Variants in RBFOX1 observed in about 807,000 individuals in gnomAD.
RBFOX1 encodes RNA binding fox-1 homolog 1.
RBFOX1 carries 8 observed loss-of-function variants against 57.7 expected under a neutral mutation model. The observed-to-expected ratio is 0.14, with a 90% confidence interval of 0.08 to 0.25. The LOEUF is 0.25. RBFOX1 is among the 10% of genes least tolerant of loss of function. The pLI is 1.00. For synonymous variants in RBFOX1, 326 were observed against 222.4 expected, an observed-to-expected ratio of 1.47 and a Z score of -4.15; for missense variants, 611 against 548.5, an observed-to-expected ratio of 1.11 and a Z score of -1.14.
At chr16:6,774,952 T>A (rs1323533276) in intron 3 of RBFOX1, among the ~76,000 whole-genome samples, 1 of 152,088 alleles carries the variant, frequency 6.6e-6, no homozygotes, top group Non-Finnish European at 1.5e-5. Context: ...CTATAGGCCC[T>A]AATCTCATCT....
chr16:6,918,493 A>T (rs554929711), intron 3 of RBFOX1, among the ~76,000 whole-genome samples: 3 of 152,330 alleles, frequency 2.0e-5, no homozygotes, highest in South Asian at 2.1e-4. Context: ...TGTTAATTAA[A>T]TTAATGTCTG....
chr16:7,586,915 C>T (rs561723715), intron 6 of RBFOX1, among the ~76,000 whole-genome samples: 2 of 152,246 alleles, frequency 1.3e-5, no homozygotes, highest in Admixed American at 1.3e-4. Flanking sequence ...GTGGGATAGA[C>T]CAGAAGGATC....
At chr16:7,578,024 G>C (rs1159015508) in intron 5 of RBFOX1, among the ~76,000 whole-genome samples, 1 of 152,254 alleles carries the variant, frequency 6.6e-6, no homozygotes, top group East Asian at 1.9e-4. Flanking sequence ...ACACAAAGCA[G>C]TTGCTCAGTA....
intron 4 of RBFOX1, among the ~76,000 whole-genome samples, chr16:7,405,303 C>G (rs545705322): frequency 3.3e-5 from 5 of 152,336 alleles, no homozygotes; most frequent in Admixed American, 1.3e-4. Context: ...GGTAGCCCCC[C>G]CGCTGCAAAC....
rs143515417 is a variant in RBFOX1, at chr16:5,598,099, C to G, written c.259-803C>G. ...ATCACCTGAGGTCAGGAGTTCGAGACCAGCCTGGCCAACATGGCGATTCCC... is the reference window on the plus strand; with the variant it reads ...ATCACCTGAGGTCAGGAGTTCGAGAGCAGCCTGGCCAACATGGCGATTCCC... On this transcript the variant is annotated intron_variant, in intron 2 of 2. Transcript: ENST00000585867. Among the ~76,000 whole-genome samples the G allele has an allele frequency of 4.8e-3, 728 of 152,136 alleles. 5 individuals carry two copies. Among genetic ancestry groups the G allele is most frequent in the Middle Eastern group, 0.01 (3 of 294 alleles).
intron 3 of RBFOX1, among the ~76,000 whole-genome samples, chr16:5,658,516 T>G (rs2049530839): frequency 6.6e-6 from 1 of 152,024 alleles, no homozygotes; most frequent in Non-Finnish European, 1.5e-5. Flanking sequence ...TTTAACTCAC[T>G]CTGTATGGGT....
At chr16:5,376,440 G>A (rs74325223) in intron 1 of RBFOX1, among the ~76,000 whole-genome samples, 384 of 152,214 alleles carry the variant, frequency 2.5e-3, no homozygotes, top group African/African-American at 8.6e-3. Flanking sequence ...GGGAAGGAGC[G>A]GTGGGTGGGG....
intron 1 of RBFOX1, among the ~76,000 whole-genome samples, chr16:5,358,985 G>A (rs1423798138): frequency 6.6e-6 from 1 of 152,098 alleles, no homozygotes; most frequent in Non-Finnish European, 1.5e-5. Context: ...AGCCTCTGGT[G>A]GCCATCCTTC....
intron 3 of RBFOX1, among the ~76,000 whole-genome samples, chr16:6,659,241 T>TTCTCAGAGG: frequency 6.6e-6 from 1 of 152,140 alleles, no homozygotes; most frequent in South Asian, 2.1e-4. Flanking sequence ...GAGAGCCCAT[T>TTCTCAGAGG]TTATAAACAC....
intron 3 of RBFOX1, among the ~76,000 whole-genome samples, chr16:6,931,017 T>C (rs1471389058): frequency 2.0e-5 from 3 of 152,020 alleles, no homozygotes; most frequent in Non-Finnish European, 4.4e-5. Context: ...GATTGTAAAT[T>C]TTTTGGATGT....
intron 3 of RBFOX1, among the ~76,000 whole-genome samples, chr16:6,743,373 G>C (rs1487777417): frequency 6.6e-6 from 1 of 152,184 alleles, no homozygotes; most frequent in Non-Finnish European, 1.5e-5. Flanking sequence ...CAAAGGCAGA[G>C]ATTGTCAGAC....
At chr16:7,686,549 C>G (rs535741639) in intron 14 of RBFOX1, among the ~76,000 whole-genome samples, 1 of 152,068 alleles carries the variant, frequency 6.6e-6, no homozygotes, top group East Asian at 1.9e-4. Context: ...GAGAAAGAGA[C>G]TTTCCTTTAG....
At chr16:6,700,172 CG>C (rs71145279) in intron 3 of RBFOX1, among the ~76,000 whole-genome samples, 11,282 of 151,994 alleles carry the variant, frequency 0.074, 533 homozygotes, top group African/African-American at 0.14. Flanking sequence ...GAGCCAGAGT[CG>C]GGGGACTTAC....
chr16:7,039,139 T>C (rs899407178), intron 3 of RBFOX1, among the ~76,000 whole-genome samples: 24 of 152,238 alleles, frequency 1.6e-4, no homozygotes, highest in Admixed American at 8.5e-4. Context: ...TTTTGAGATT[T>C]TAGGATATGC....
At chr16:6,691,454 T>C (rs1603428166) in intron 3 of RBFOX1, among the ~76,000 whole-genome samples, 1 of 125,484 alleles carries the variant, frequency 8.0e-6, no homozygotes, top group East Asian at 2.1e-4. Flanking sequence ...TTACCATCTA[T>C]TCCTTTTTCT....
At chr16:5,914,611 G>T (rs1354768861) in intron 4 of RBFOX1, among the ~76,000 whole-genome samples, 1 of 152,134 alleles carries the variant, frequency 6.6e-6, no homozygotes, top group Non-Finnish European at 1.5e-5. Flanking sequence ...AAAAAAGGGA[G>T]AGAGGCCGGG....
At position 7,687,496 on chromosome 16, in the gene RBFOX1, T is replaced by G. The variant is rs1463130563; in HGVS notation, c.995+10658T>G. Among the ~76,000 whole-genome samples the G allele has an allele frequency of 2.0e-5, 3 of 152,058 alleles. No individual in the cohort carries two copies. In the East Asian group the frequency reaches 5.8e-4, roughly 29 times the overall value. ...TTTACAATCTGAGGGCTGAATGATG[T>G]GAGTCAACTCTTTGGTAAGATCAGC... is the stretch of plus-strand genomic sequence containing the variant. On this transcript the variant is annotated intron_variant, in intron 14 of 15. Coordinates refer to ENST00000550418, the MANE Select transcript of RBFOX1 (RefSeq NM_018723.4).
intron 4 of RBFOX1, among the ~76,000 whole-genome samples, chr16:7,140,193 T>TCTCTCTCTCTCTCC (rs1491496466): frequency 1.5e-5 from 2 of 133,724 alleles, no homozygotes; most frequent in African/African-American, 5.6e-5. Flanking sequence ...TCTCTCTCTC[T>TCTCTCTCTCTCTCC]CCCTCCTTCT....
At chr16:5,546,229 G>T (rs772086651) in intron 2 of RBFOX1, among the ~76,000 whole-genome samples, 1 of 152,142 alleles carries the variant, frequency 6.6e-6, no homozygotes, top group African/African-American at 2.4e-5. Flanking sequence ...ATATTGTTAA[G>T]GTGTCAATTC....
Sources: allele counts gnomAD v4.1 joint callset (sites outside exome capture counted in the v4.1 genomes callset), GRCh38; gene constraint gnomAD v4.1.1; transcripts MANE v1.5; gene names NCBI Gene and HGNC (gene_info 2026-07-23, HGNC 2026-07-21).